Variants in RASEF observed in about 807,000 individuals in gnomAD.
The protein encoded by RASEF is ras and EF-hand domain-containing protein.
Under a neutral mutation model 90.1 loss-of-function variants are expected in RASEF, and 68 were observed. That is an observed-to-expected ratio of 0.75 (90% confidence interval 0.62 to 0.92). The LOEUF is 0.92. Ranked by LOEUF, RASEF falls within the 40% of genes least tolerant of loss-of-function variation. RASEF has a pLI of 0.00. For synonymous variants in RASEF, 331 were observed against 345.2 expected (o/e 0.96, Z 0.46); for missense variants, 949 against 937.2 (o/e 1.01, Z -0.16).
chr9:83,140,847 C>T, the RASEF span, among the ~76,000 whole-genome samples: 1 of 151,938 alleles, frequency 6.6e-6, no homozygotes, highest in Non-Finnish European at 1.5e-5. Flanking sequence ...AACTGAGGTG[C>T]AAGGCTGTTA....
the RASEF span, among the ~76,000 whole-genome samples, chr9:83,187,246 C>T: frequency 1.9e-4 from 29 of 152,318 alleles, no homozygotes; most frequent in East Asian, 5.4e-3. Flanking sequence ...GCGTGCCCCA[C>T]CTCTTGTCTC....
the RASEF span, among the ~76,000 whole-genome samples, chr9:83,115,699 T>C: frequency 6.6e-6 from 1 of 152,008 alleles, no homozygotes; most frequent in South Asian, 2.1e-4. Context: ...TACATAGTCA[T>C]AAAAAGGGAG....
intron 2 of RASEF, among the ~76,000 whole-genome samples, chr9:83,023,184 A>G (rs1299860921): frequency 6.6e-6 from 1 of 152,328 alleles, no homozygotes; most frequent in East Asian, 1.9e-4. Context: ...GTTATATGTT[A>G]AAGTGAGAAG....
At chr9:83,132,698 A>G in the RASEF span, among the ~76,000 whole-genome samples, 1 of 152,190 alleles carries the variant, frequency 6.6e-6, no homozygotes, top group Admixed American at 6.5e-5. Flanking sequence ...ATTAGTATGC[A>G]GTATTTCCCA....
the RASEF span, among the ~76,000 whole-genome samples, chr9:83,096,727 C>T: frequency 6.6e-6 from 1 of 151,894 alleles, no homozygotes; most frequent in South Asian, 2.1e-4. Context: ...GTATGCTGCA[C>T]CCATTAACTC....
At chr9:83,157,000 T>C in the RASEF span, among the ~76,000 whole-genome samples, 2 of 152,224 alleles carry the variant, frequency 1.3e-5, no homozygotes, top group Non-Finnish European at 2.9e-5. Context: ...AAGGACAGCA[T>C]GGAGGATACT....
chr9:83,164,341 A>ATGTGTG, the RASEF span, among the ~76,000 whole-genome samples: 249 of 89,758 alleles, frequency 2.8e-3, 1 homozygote, highest in East Asian at 5.5e-3. Context: ...ATATTTGTAT[A>ATGTGTG]TGTGTGTATA....
chr9:83,209,342 T>C, the RASEF span, among the ~76,000 whole-genome samples: 92 of 152,342 alleles, frequency 6.0e-4, 1 homozygote, highest in Middle Eastern at 0.024. Flanking sequence ...CTTTAGGCCA[T>C]GGGATTGAGG....
intron 1 of RASEF, among the ~76,000 whole-genome samples, chr9:83,047,483 A>G (rs1194086302): frequency 1.3e-5 from 2 of 152,170 alleles, no homozygotes; most frequent in Non-Finnish European, 2.9e-5. Context: ...TTTCATTCCA[A>G]TTGACTTTTC....
intron 1 of RASEF, among the ~76,000 whole-genome samples, chr9:83,054,374 G>A (rs1465126125): frequency 1.1e-4 from 2 of 17,420 alleles, no homozygotes; most frequent in Non-Finnish European, 1.1e-4. Flanking sequence ...CGTAGTTCTC[G>A]AGCCTTGGTT....
At chr9:82,999,136 A>G (rs996573314) in intron 12 of RASEF, among the ~76,000 whole-genome samples, 2 of 152,196 alleles carry the variant, frequency 1.3e-5, no homozygotes, top group African/African-American at 2.4e-5. Context: ...ATTTCGGGTG[A>G]TCAAAATAAG....
At chr9:83,186,382 C>A in the RASEF span, among the ~76,000 whole-genome samples, 1 of 152,150 alleles carries the variant, frequency 6.6e-6, no homozygotes, top group East Asian at 1.9e-4. Flanking sequence ...TCCAAACAGC[C>A]ACTCCCTGCT....
At chr9:83,100,128 A>G in the RASEF span, among the ~76,000 whole-genome samples, 2 of 152,192 alleles carry the variant, frequency 1.3e-5, no homozygotes, top group East Asian at 3.9e-4. Context: ...ATGAGACTTT[A>G]TTTCTTCCCA....
At chr9:82,983,154 C>T (rs1828648356) in intron 16 of RASEF, among the ~76,000 whole-genome samples, 1 of 143,234 alleles carries the variant, frequency 7.0e-6, no homozygotes, top group Non-Finnish European at 1.6e-5. Context: ...CACACACACA[C>T]ACCCTTCTCC....
At chr9:83,210,366 A>C in the RASEF span, among the ~76,000 whole-genome samples, 3 of 152,230 alleles carry the variant, frequency 2.0e-5, no homozygotes, top group Non-Finnish European at 4.4e-5. Flanking sequence ...AAAGCATTTG[A>C]AATCTTCTGT....
chr9:83,073,533 T>A, the RASEF span, among the ~76,000 whole-genome samples: 1 of 152,158 alleles, frequency 6.6e-6, no homozygotes. Context: ...GCATGCAATA[T>A]TTTCTAGAGA....
intron 1 of RASEF, among the ~76,000 whole-genome samples, chr9:83,026,303 A>C (rs941862582): frequency 6.6e-6 from 1 of 152,208 alleles, no homozygotes; most frequent in African/African-American, 2.4e-5. Flanking sequence ...CTTTATCGTC[A>C]TAACAGTGGG....
the RASEF span, among the ~76,000 whole-genome samples, chr9:83,177,892 A>G: frequency 6.6e-6 from 1 of 151,756 alleles, no homozygotes; most frequent in Non-Finnish European, 1.5e-5. Flanking sequence ...TAGCACTCCC[A>G]TTACATGGTT....
At chr9:83,212,532 T>C in the RASEF span, among the ~76,000 whole-genome samples, 1 of 152,252 alleles carries the variant, frequency 6.6e-6, no homozygotes, top group East Asian at 1.9e-4. Context: ...TGTCGGTATA[T>C]ATAGATAAAC....
Sources: allele counts gnomAD v4.1 joint callset (sites outside exome capture counted in the v4.1 genomes callset), GRCh38; gene constraint gnomAD v4.1.1; transcripts MANE v1.5; gene names NCBI Gene and HGNC (gene_info 2026-07-23, HGNC 2026-07-21).